The following CUBN variants were observed in gnomAD, a reference collection of about 807,000 sequenced individuals.
The protein encoded by CUBN is 460 kDa receptor.
CUBN carries 282 observed loss-of-function variants against 405.3 expected under a neutral mutation model. That is an observed-to-expected ratio of 0.70 (90% CI 0.63 to 0.77). The LOEUF is 0.77. CUBN is among the 30% of genes least tolerant of loss of function. The probability of loss-of-function intolerance (pLI) is 0.00; values close to 1 mark genes in which losing one functional copy is unlikely to be tolerated. For synonymous variants in CUBN, 1,684 were observed against 1,617.0 expected, an observed-to-expected ratio of 1.04 and a Z score of -0.99; for missense variants, 4,514 against 4,475.2, an observed-to-expected ratio of 1.01 and a Z score of -0.25.
At chr10:17,096,217 G>C (rs952428887) in intron 14 of CUBN, among the ~76,000 whole-genome samples, 2 of 152,086 alleles carry the variant, frequency 1.3e-5, no homozygotes, top group African/African-American at 4.8e-5. Context: ...CTAATGTACA[G>C]CATGGTGACT....
chr10:16,882,990 G>C (rs770600378), intron 56 of CUBN, among the ~76,000 whole-genome samples: 1 of 151,364 alleles, frequency 6.6e-6, no homozygotes, highest in Non-Finnish European at 1.5e-5. Context: ...GTCCAGCCTG[G>C]GCAACAGAGC....
At position 16,950,059 on chromosome 10, in the gene CUBN, CGTT is replaced by C; in HGVS notation, c.5019_5021del (p.Thr1674del). 2.5e-6 allele frequency: 4 copies of C among 1,613,976 alleles called. No individual in the cohort carries two copies. The highest frequency in any genetic ancestry group is 1.1e-5 in the South Asian group (1 of 91,060). On this transcript the variant is annotated inframe_deletion, in exon 34 of 67. Coordinates refer to ENST00000377833, the MANE Select transcript of CUBN (RefSeq NM_001081.4). Reference sequence around the variant, plus strand: ...AAATTTCTACAAAGTCACGTGCACACGTTGTGCTTCTTTCAAGTTCAAAGTGGG... The same window carrying C: ...AAATTTCTACAAAGTCACGTGCACACGTGCTTCTTTCAAGTTCAAAGTGGG...
chr10:17,019,095 G>C (rs1834423871), intron 28 of CUBN, among the ~76,000 whole-genome samples: 1 of 152,170 alleles, frequency 6.6e-6, no homozygotes, highest in Non-Finnish European at 1.5e-5. Flanking sequence ...TTTCTAACAG[G>C]TTCCAGGTAA....
chr10:17,005,186 A>C (rs1833983549), intron 28 of CUBN, among the ~76,000 whole-genome samples: 1 of 152,110 alleles, frequency 6.6e-6, no homozygotes, highest in Non-Finnish European at 1.5e-5. Context: ...GATGTTTCCT[A>C]TCAGTTGGTT....
At chr10:17,042,908 A>T (rs752458447) in intron 26 of CUBN, among the ~76,000 whole-genome samples, 51 of 152,168 alleles carry the variant, frequency 3.4e-4, no homozygotes, top group Non-Finnish European at 4.4e-4. Flanking sequence ...ATAAATTTTG[A>T]TTCTGTGGGA....
In CUBN at chr10:17,115,604, G is replaced by A; in HGVS notation, c.594-7C>T. On this transcript the variant is annotated splice_polypyrimidine_tract_variant and splice_region_variant and intron_variant, in intron 6 of 66. Transcript: ENST00000377833. ...CTCAGGTGGGCAGTGACAACTGTTGGTTACACAAGAGCACAATGTCAGGGC... is the reference window on the plus strand; with the variant it reads ...CTCAGGTGGGCAGTGACAACTGTTGATTACACAAGAGCACAATGTCAGGGC... 1 of 1,614,148 alleles carries A rather than the reference G, an allele frequency of 6.2e-7. No individual in the cohort carries two copies. The highest frequency in any genetic ancestry group is 8.5e-7 in the Non-Finnish European group (1 of 1,179,980).
chr10:16,836,295 T>C lies in CUBN; in HGVS notation c.10120A>G (p.Ile3374Val), dbSNP rs1839164977. 3 of 1,613,838 alleles carry C rather than the reference T, an allele frequency of 1.9e-6. No homozygotes were observed. Among genetic ancestry groups the C allele is most frequent in the Non-Finnish European group, 2.5e-6 (3 of 1,179,714 alleles). ...FYSSMSTAMV[I>V]FKSGVVNRNS... The stretch of plus-strand genomic sequence containing the variant: ...CTGTTTACAACTCCAGATTTGAAAA[T>C]GACCATTGCAGTACTCATAGAAGAA... The change falls in exon 63 of 67, where the codon ATT becomes GTT. Residue 3374 changes from isoleucine (I) to valine (V), a missense_variant. Coordinates refer to ENST00000377833, the MANE Select transcript of CUBN (RefSeq NM_001081.4).
chr10:16,912,590 G>A (rs764948098), intron 48 of CUBN, among the ~76,000 whole-genome samples: 3 of 152,128 alleles, frequency 2.0e-5, no homozygotes, highest in African/African-American at 4.8e-5. Flanking sequence ...AAAGGCATTC[G>A]AGCAGAGACC....
intron 15 of CUBN, among the ~76,000 whole-genome samples, chr10:17,087,828 A>G (rs1047306489): frequency 1.3e-5 from 2 of 152,148 alleles, no homozygotes; most frequent in African/African-American, 2.4e-5. Flanking sequence ...TTTACCACAG[A>G]CAACTGAAGG....
intron 10 of CUBN, among the ~76,000 whole-genome samples, chr10:17,106,003 G>T (rs892720825): frequency 6.6e-6 from 1 of 152,156 alleles, no homozygotes; most frequent in African/African-American, 2.4e-5. Context: ...CCCAATAGAG[G>T]GCCAGGCACA....
intron 59 of CUBN, among the ~76,000 whole-genome samples, chr10:16,854,538 G>C (rs1839814623): frequency 6.6e-6 from 1 of 152,156 alleles, no homozygotes; most frequent in Admixed American, 6.5e-5. Flanking sequence ...CCAGGTGAAA[G>C]GACATTGCTG....
At chr10:17,017,331 C>T (rs899987119) in intron 28 of CUBN, among the ~76,000 whole-genome samples, 1 of 152,092 alleles carries the variant, frequency 6.6e-6, no homozygotes, top group Non-Finnish European at 1.5e-5. Context: ...CCAAAACCTG[C>T]ACCCTTGCCT....
rs551349213 is a variant in CUBN, at chr10:16,862,264, G to A, written c.9454+7372C>T. The stretch of plus-strand genomic sequence containing the variant: ...GGCTTACTAAGAAAATCAGGAGTTT[G>A]GGGGACAGTCAAACTCATGTTCAAA... On this transcript the variant is annotated intron_variant, in intron 59 of 66. Coordinates refer to ENST00000377833, the MANE Select transcript of CUBN (RefSeq NM_001081.4). Among the ~76,000 whole-genome samples, 5 of 152,138 alleles carry A rather than the reference G, an allele frequency of 3.3e-5. No homozygotes were observed. In the South Asian group the frequency reaches 1.0e-3, roughly 32 times the overall value.
chr10:16,985,803 A>G (rs1170501070), intron 29 of CUBN, among the ~76,000 whole-genome samples: 2 of 152,176 alleles, frequency 1.3e-5, no homozygotes, highest in African/African-American at 4.8e-5. Context: ...TCACTTCTAG[A>G]TCTATCACAC....
intron 58 of CUBN, among the ~76,000 whole-genome samples, chr10:16,872,879 ACT>A (rs1360339630): frequency 6.6e-6 from 1 of 152,156 alleles, no homozygotes; most frequent in African/African-American, 2.4e-5. Flanking sequence ...CCTAAAAGAC[ACT>A]CTGTTTTCCT....
chr10:17,045,096 A>G lies in CUBN; in HGVS notation c.3583T>C (p.Leu1195=). 6.2e-7 allele frequency: 1 copy of G among 1,614,102 alleles called. No individual in the cohort carries two copies. Among genetic ancestry groups the G allele is most frequent in the Non-Finnish European group, 8.5e-7 (1 of 1,179,996 alleles). The change falls in exon 25 of 67, where the codon TTG becomes CTG. Residue 1195 remains leucine, a synonymous_variant. Coordinates refer to ENST00000377833, the MANE Select transcript of CUBN (RefSeq NM_001081.4). ...AATGCGCTGCCGTGGCTAGATTTCA[A>G]CCACCAGTAGCATTCAGAGCTGTGG... The part of the protein sequence containing the change: ...YYHSSECYWW[L]KSSHGSAFEL...
chr10:17,040,202 G>A (rs959442663), intron 27 of CUBN, among the ~76,000 whole-genome samples: 5 of 151,898 alleles, frequency 3.3e-5, no homozygotes, highest in African/African-American at 1.2e-4. Context: ...GAGGGCAGGT[G>A]GGAAAAAAAA....
intron 59 of CUBN, among the ~76,000 whole-genome samples, chr10:16,865,319 G>A (rs1452847913): frequency 6.6e-6 from 1 of 152,050 alleles, no homozygotes; most frequent in Non-Finnish European, 1.5e-5. Context: ...TTCTGTCCTT[G>A]TTATATATGT....
At chr10:17,061,096 AAAAC>A (rs997147328) in intron 22 of CUBN, among the ~76,000 whole-genome samples, 1 of 152,018 alleles carries the variant, frequency 6.6e-6, no homozygotes, top group Non-Finnish European at 1.5e-5. Flanking sequence ...AAAAAACCCA[AAAAC>A]AAACAAACAA....
Sources: allele counts gnomAD v4.1 joint callset (sites outside exome capture counted in the v4.1 genomes callset), GRCh38; gene constraint gnomAD v4.1.1; transcripts MANE v1.5; gene names NCBI Gene and HGNC (gene_info 2026-07-23, HGNC 2026-07-21).